Variants in NRCAM observed in about 807,000 individuals in gnomAD.
NRCAM encodes neuronal cell adhesion molecule, also known as NgCAM-related cell adhesion molecule.
A neutral mutation model predicts 156.5 loss-of-function variants in NRCAM; 83 were observed. The ratio of observed to expected loss-of-function variants is 0.53; its 90% CI spans 0.44 to 0.64. The LOEUF (loss-of-function observed/expected upper bound fraction) is 0.64, where lower values mean the gene tolerates loss of function less well. Among genes scored for constraint, NRCAM ranks in the 30% least tolerant of loss-of-function variants. The pLI, the probability that NRCAM is intolerant of heterozygous loss-of-function variation, is 0.00. For missense variants in NRCAM, 1,417 were observed against 1,597.3 expected (o/e 0.89, Z 1.92); for synonymous variants, 538 against 563.9 (o/e 0.95, Z 0.65).
chr7:108,365,596 C>A (rs532934750), intron 2 of NRCAM, among the ~76,000 whole-genome samples: 135 of 150,198 alleles, frequency 9.0e-4, no homozygotes, highest in Non-Finnish European at 1.6e-3. Context: ...TTAATTTATT[C>A]TTCCTTCTCG....
At chr7:108,155,115 C>T (rs867136482) in intron 32 of NRCAM, among the ~76,000 whole-genome samples, 1,399 of 117,494 alleles carry the variant, frequency 0.012, 25 homozygotes, top group Middle Eastern at 0.045. Context: ...CACACACACA[C>T]ACACACACAC....
chr7:108,304,315 T>C (rs916147476), intron 3 of NRCAM, among the ~76,000 whole-genome samples: 12 of 152,066 alleles, frequency 7.9e-5, no homozygotes, highest in African/African-American at 2.7e-4. Context: ...TACCTACTGG[T>C]CACCACTCTT....
In NRCAM at chr7:108,392,734, C is replaced by G. The variant is rs140400987; in HGVS notation, c.-174+6702G>C. ...TTTGGTCTTTGATGATGGTGACGTA[C>G]AGATGGGGTTTTGGTGTGGATGTCG... On this transcript the variant is annotated intron_variant, in intron 2 of 32. Transcript: ENST00000379028. Among the ~76,000 whole-genome samples, 18 of 152,274 alleles carry G rather than the reference C, an allele frequency of 1.2e-4. 1 individual carries two copies. The highest frequency in any genetic ancestry group is 4.3e-4 in the African/African-American group (18 of 41,542).
chr7:108,244,947 G>A (rs2095807581), intron 3 of NRCAM, among the ~76,000 whole-genome samples: 1 of 152,094 alleles, frequency 6.6e-6, no homozygotes, highest in South Asian at 2.1e-4. Context: ...CAGAAAAACA[G>A]GTATTTCTAC....
chr7:108,416,328 G>C (rs936111651), intron 1 of NRCAM, among the ~76,000 whole-genome samples: 8 of 152,166 alleles, frequency 5.3e-5, no homozygotes. Context: ...CAGATGTTTT[G>C]AGACATTCTA....
intron 3 of NRCAM, among the ~76,000 whole-genome samples, chr7:108,272,016 G>A (rs1158863042): frequency 6.6e-6 from 1 of 152,180 alleles, no homozygotes; most frequent in African/African-American, 2.4e-5. Context: ...AAGGGAAAAA[G>A]CTAAAAATGT....
At chr7:108,342,091 T>C (rs566669849) in intron 2 of NRCAM, among the ~76,000 whole-genome samples, 30 of 152,354 alleles carry the variant, frequency 2.0e-4, no homozygotes, top group African/African-American at 7.2e-4. Flanking sequence ...GGTTCAGGGA[T>C]AGCCCCCATC....
chr7:108,387,671 C>T (rs2099745228), intron 2 of NRCAM, among the ~76,000 whole-genome samples: 3 of 151,760 alleles, frequency 2.0e-5, no homozygotes, highest in South Asian at 2.1e-4. Flanking sequence ...CCCATTAACT[C>T]GTCATTTACA....
At chr7:108,392,439 T>A (rs2099763245) in intron 2 of NRCAM, among the ~76,000 whole-genome samples, 2 of 152,176 alleles carry the variant, frequency 1.3e-5, no homozygotes, top group Non-Finnish European at 2.9e-5. Context: ...ATTTAAGGAT[T>A]TCTCTACACT....
At chr7:108,206,030 A>G (rs1448649392) in intron 13 of NRCAM, among the ~76,000 whole-genome samples, 1 of 152,210 alleles carries the variant, frequency 6.6e-6, no homozygotes, top group African/African-American at 2.4e-5. Flanking sequence ...TAAAATTGGG[A>G]ATGGAAATAC....
chr7:108,287,353 C>T (rs1458046117), intron 3 of NRCAM, among the ~76,000 whole-genome samples: 1 of 152,024 alleles, frequency 6.6e-6, no homozygotes, highest in East Asian at 1.9e-4. Flanking sequence ...TAAAAAGCTT[C>T]TGCACAGCAA....
chr7:108,367,244 A>C (rs1056289517), intron 2 of NRCAM, among the ~76,000 whole-genome samples: 1 of 152,226 alleles, frequency 6.6e-6, no homozygotes, highest in Non-Finnish European at 1.5e-5. Context: ...ACTGCTTTGA[A>C]ATATCATCCT....
At chr7:108,391,885 G>T (rs1490231674) in intron 2 of NRCAM, among the ~76,000 whole-genome samples, 1 of 152,040 alleles carries the variant, frequency 6.6e-6, no homozygotes, top group Non-Finnish European at 1.5e-5. Context: ...TTTTCTTTAA[G>T]AATGTTGAAT....
chr7:108,328,463 T>C (rs987082470), intron 2 of NRCAM: 2 of 152,206 alleles, frequency 1.3e-5, no homozygotes, highest in African/African-American at 4.8e-5. Flanking sequence ...TTCCTCCCAG[T>C]AGCAAAGGGA....
chr7:108,229,040 T>C (rs1589195478), intron 8 of NRCAM, among the ~76,000 whole-genome samples: 2 of 152,228 alleles, frequency 1.3e-5, no homozygotes, highest in East Asian at 3.8e-4. Context: ...GTAATGTATA[T>C]GTCTTGTGAG....
chr7:108,164,147 G>A (rs375350676), intron 30 of NRCAM, among the ~76,000 whole-genome samples: 1,185 of 59,582 alleles, frequency 0.02, no homozygotes, highest in East Asian at 0.05. Flanking sequence ...GTGGGGTGGC[G>A]GTAATGAGAG....
In NRCAM at chr7:108,176,613, A is replaced by G. The variant is rs1468494735; in HGVS notation, c.2975-7T>C. 4.4e-6 allele frequency: 7 copies of G among 1,603,832 alleles called. No homozygotes were observed. Among genetic ancestry groups the G allele is most frequent in the African/African-American group, 2.7e-5 (2 of 74,436 alleles). ...AATTCATGTGTGCTGTTAACTGTCA[A>G]TAAGAAATAATGAACAAGTGCATTC... is the stretch of plus-strand genomic sequence containing the variant. On this transcript the variant is annotated splice_polypyrimidine_tract_variant and splice_region_variant and intron_variant, in intron 26 of 32. Transcript: ENST00000379028.
chr7:108,381,527 G>A (rs2099700840), intron 2 of NRCAM, among the ~76,000 whole-genome samples: 1 of 151,392 alleles, frequency 6.6e-6, no homozygotes, highest in African/African-American at 2.4e-5. Context: ...GCTTTGAGCT[G>A]GTCTTAACAT....
intron 4 of NRCAM, among the ~76,000 whole-genome samples, 168 bp downstream of exon 4, chr7:108,239,791 A>G (rs897214046): frequency 6.6e-6 from 1 of 152,188 alleles, no homozygotes; most frequent in Admixed American, 6.5e-5. Context: ...CCACTTCTAC[A>G]GTGTGAATCT....
Sources: gnomAD v4.1 joint callset for allele counts (sites outside exome capture counted in the v4.1 genomes callset) on GRCh38, gnomAD v4.1.1 for gene constraint, MANE v1.5 for transcripts, NCBI Gene and HGNC (gene_info 2026-07-23, HGNC 2026-07-21) for gene names.